CACNA1H: variants seen among roughly 807,000 people sequenced by gnomAD.
CACNA1H encodes the protein calcium voltage-gated channel subunit alpha1 H, also known as voltage-dependent T-type calcium channel subunit alpha-1H.
CACNA1H carries 149 observed loss-of-function variants against 192.5 expected under a neutral mutation model. That is an observed-to-expected ratio of 0.77 (90% CI 0.68 to 0.89). The LOEUF (loss-of-function observed/expected upper bound fraction) is 0.89, where lower values mean the gene tolerates loss of function less well. Among genes scored for constraint, CACNA1H ranks in the 40% least tolerant of loss-of-function variants. CACNA1H has a pLI of 0.00. For missense variants in CACNA1H, 4,257 were observed against 3,423.5 expected (o/e 1.24, Z -6.08); for synonymous variants, 2,202 against 1,475.2 (o/e 1.49, Z -11.29).
intron 2 of CACNA1H, among the ~76,000 whole-genome samples, chr16:1,176,670 GC>G (rs1226272270): frequency 6.6e-6 from 1 of 152,214 alleles, no homozygotes; most frequent in Admixed American, 6.5e-5. Context: ...TGAGCAGGGG[GC>G]TGATGGGGGT....
At chr16:1,203,715 G>A (rs553910812) in intron 9 of CACNA1H, among the ~76,000 whole-genome samples, 2 of 152,104 alleles carry the variant, frequency 1.3e-5, no homozygotes, top group African/African-American at 4.8e-5. Flanking sequence ...CCGGCTTGTC[G>A]ACACGTCCCT....
At chr16:1,168,622 G>T (rs892805728) in intron 2 of CACNA1H, among the ~76,000 whole-genome samples, 2 of 152,054 alleles carry the variant, frequency 1.3e-5, no homozygotes, top group East Asian at 3.9e-4. Context: ...GGTCCTCAGT[G>T]TCCCCCGAGC....
At chr16:1,182,547 C>G (rs1361398684) in intron 2 of CACNA1H, among the ~76,000 whole-genome samples, 1 of 152,142 alleles carries the variant, frequency 6.6e-6, no homozygotes, top group African/African-American at 2.4e-5. Context: ...GGGCTCCCCA[C>G]CCCCAACTGC....
At position 1,215,018 on chromosome 16, in the gene CACNA1H, T is replaced by A. The variant is rs751816236; in HGVS notation, c.4976T>A (p.Val1659Glu). The A allele has an allele frequency of 2.5e-6, 4 of 1,612,868 alleles. No homozygotes were observed. In the Admixed American group the frequency reaches 5.0e-5, roughly 20 times the overall value. ...LKYCNYVFTI[V>E]FVFEAALKLV... ...TACTGCAACTACGTCTTCACCATCG[T>A]GTTTGTCTTCGAGGCTGCACTGAAG... is the stretch of plus-strand genomic sequence containing the variant. The change falls in exon 28 of 35, where the codon GTG becomes GAG. Residue 1659 changes from valine to glutamate, a missense_variant. Val to Glu is a moderately radical substitution (Grantham distance 121). Transcript: ENST00000348261.
chr16:1,210,621 G>A lies in CACNA1H; in HGVS notation c.4008G>A (p.Thr1336=), dbSNP rs372696265. 8.1e-6 allele frequency: 13 copies of A among 1,606,716 alleles called. No homozygotes were observed. The highest frequency in any genetic ancestry group is 6.7e-5 in the Admixed American group (4 of 60,000). ...VFLSVSNYIF[T]AIFVAEMMVK... ...TCAGCGTCTCCAATTACATCTTCAC[G>A]GCCATCTTCGTGGCGGAGATGATGG... is the stretch of plus-strand genomic sequence containing the variant. The change falls in exon 20 of 35, where the codon ACG becomes ACA. Residue 1336 remains threonine, a synonymous_variant. Coordinates refer to ENST00000348261, the MANE Select transcript of CACNA1H (RefSeq NM_021098.3).
At chr16:1,158,368 G>A (rs1463916566) in intron 2 of CACNA1H, among the ~76,000 whole-genome samples, 1 of 152,022 alleles carries the variant, frequency 6.6e-6, no homozygotes, top group Non-Finnish European at 1.5e-5. Flanking sequence ...CGGGGGTGAC[G>A]ACAGGGTAGG....
In CACNA1H at chr16:1,210,277, A is replaced by G. The variant is rs146945676; in HGVS notation, c.3846-93A>G. On this transcript the variant is annotated intron_variant, in intron 18 of 34. Coordinates refer to ENST00000348261, the MANE Select transcript of CACNA1H (RefSeq NM_021098.3). ...CTCACACCGCAGGGACCGGGGCTGA[A>G]GTGGAGGCGTGGCCAGGGCTGTCCT... 1.5e-3 allele frequency: 1,905 copies of G among 1,275,872 alleles called. 19 individuals carry two copies. In the African/African-American group the frequency reaches 0.023, roughly 15 times the overall value. 79.0% of individuals were successfully genotyped at this position (1,275,872 alleles called of 1,614,324 possible). A position where few individuals can be genotyped will look rare whatever the true frequency, so the allele number is the denominator to read the frequency against.
At chr16:1,189,462 C>G (rs1280906556) in intron 2 of CACNA1H, among the ~76,000 whole-genome samples, 2 of 138,960 alleles carry the variant, frequency 1.4e-5, no homozygotes, top group Non-Finnish European at 3.0e-5. Context: ...CGTCACCCAG[C>G]CTGGAGTGCA....
At chr16:1,198,985 C>T (rs1967360293) in intron 6 of CACNA1H, 2 of 562,586 alleles carry the variant, frequency 3.6e-6, no homozygotes, top group African/African-American at 1.9e-5. Flanking sequence ...GTCACCGCCC[C>T]ACATGGCTCC....
At chr16:1,165,535 G>GC (rs113308330) in intron 2 of CACNA1H, among the ~76,000 whole-genome samples, 20,340 of 152,106 alleles carry the variant, frequency 0.13, 3,207 homozygotes, top group African/African-American at 0.38. Context: ...AGGCGCCTGG[G>GC]CCCCCCTCCC....
chr16:1,205,112 A>G lies in CACNA1H; in HGVS notation c.2452-2A>G. Reference sequence around the variant, plus strand: ...CTGAACTGTCCCCACCTCTGCCTGCAGCCCGAGGAGCTGACTAATGCTCTG... The same window carrying G: ...CTGAACTGTCCCCACCTCTGCCTGCGGCCCGAGGAGCTGACTAATGCTCTG... On this transcript the variant is annotated splice_acceptor_variant, in intron 10 of 34. Coordinates refer to ENST00000348261, the MANE Select transcript of CACNA1H (RefSeq NM_021098.3). LOFTEE classifies it high-confidence loss of function. The G allele has an allele frequency of 6.2e-7, 1 of 1,610,598 alleles. No individual in the cohort carries two copies. Among genetic ancestry groups the G allele is most frequent in the Non-Finnish European group, 8.5e-7 (1 of 1,179,408 alleles).
chr16:1,198,979 C>T (rs1410822729), intron 6 of CACNA1H: 2 of 570,870 alleles, frequency 3.5e-6, no homozygotes, highest in Non-Finnish European at 6.3e-6. Flanking sequence ...CTGGCAGTCA[C>T]CGCCCCACAT....
chr16:1,193,902 C>T (rs1966825944), intron 2 of CACNA1H, among the ~76,000 whole-genome samples: 1 of 152,138 alleles, frequency 6.6e-6, no homozygotes, highest in Non-Finnish European at 1.5e-5. Context: ...CCTACCGTGG[C>T]AGCTGCCCTT....
chr16:1,217,095 G>A, intron 31 of CACNA1H, 85 bp downstream of exon 31: 1 of 1,211,382 alleles, frequency 8.3e-7, no homozygotes, highest in Non-Finnish European at 1.2e-6. Context: ...GCAGGCACAT[G>A]CTTGCAAATA....
At chr16:1,212,298 C>A in intron 25 of CACNA1H, 160 bp downstream of exon 25, 2 of 1,230,434 alleles carry the variant, frequency 1.6e-6, no homozygotes, top group Non-Finnish European at 1.1e-6. Context: ...GGGGCTGGCC[C>A]GAGAGGGCCG....
chr16:1,168,928 A>T (rs1235565674), intron 2 of CACNA1H, among the ~76,000 whole-genome samples: 1 of 151,938 alleles, frequency 6.6e-6, no homozygotes, highest in African/African-American at 2.4e-5. Context: ...AGCCTCTAGG[A>T]GGTGGGCTGG....
rs751812661 is a variant in CACNA1H, at chr16:1,200,487, C to T, written c.1035C>T (p.Asn345=). Residue 345 remains asparagine, a synonymous_variant, in exon 7 of 35, where the codon AAC becomes AAT. Transcript: ENST00000348261. ...GCATCAACTGGAACCAGTACTACAACGTGTGCCGCTCGGGTGACTCCAACC... is the reference window on the plus strand; with the variant it reads ...GCATCAACTGGAACCAGTACTACAATGTGTGCCGCTCGGGTGACTCCAACC... ...NACINWNQYY[N]VCRSGDSNPH... 59 of 1,612,056 alleles carry T rather than the reference C, an allele frequency of 3.7e-5. No individual in the cohort carries two copies. In the East Asian group the frequency reaches 6.5e-4, roughly 18 times the overall value.
rs1467381 is a variant in CACNA1H, at chr16:1,220,382, A to C, written c.6450A>C (p.Ala2150=). ...GCTTCCTGGACAAGCCGGGCCGGGCAGACGAGCAGTGGCGGCCCTCGGCGG... is the reference window on the plus strand; with the variant it reads ...GCTTCCTGGACAAGCCGGGCCGGGCCGACGAGCAGTGGCGGCCCTCGGCGG... ...AQGFLDKPGR[A]DEQWRPSAEL... Residue 2150 remains alanine (A), a synonymous_variant, in exon 35 of 35, where the codon GCA becomes GCC. Transcript: ENST00000348261. The C allele has an allele frequency of 1.3e-6, 2 of 1,523,674 alleles. No homozygotes were observed. Among genetic ancestry groups the C allele is most frequent in the Admixed American group, 4.4e-5 (2 of 45,318 alleles). 94.4% of individuals were successfully genotyped at this position (1,523,674 alleles called of 1,614,324 possible). A position where few individuals can be genotyped will look rare whatever the true frequency, so the allele number is the denominator to read the frequency against.
chr16:1,163,261 G>A (rs747757461), intron 2 of CACNA1H, among the ~76,000 whole-genome samples: 2 of 152,228 alleles, frequency 1.3e-5, no homozygotes, highest in African/African-American at 4.8e-5. Flanking sequence ...GGGTGGCCTC[G>A]GCCCAGCAGG....
Sources: allele counts gnomAD v4.1 joint callset (sites outside exome capture counted in the v4.1 genomes callset), GRCh38; gene constraint gnomAD v4.1.1; transcripts MANE v1.5; gene names NCBI Gene and HGNC (gene_info 2026-07-23, HGNC 2026-07-21).